Variants in FMNL2 observed in about 807,000 individuals in gnomAD.
The protein encoded by FMNL2 is formin-like protein 2.
Under a neutral mutation model 130.2 loss-of-function variants are expected in FMNL2, and 51 were observed. The observed-to-expected ratio is 0.39, with a 90% CI of 0.31 to 0.49. The LOEUF (loss-of-function observed/expected upper bound fraction) is 0.49, where lower values mean the gene tolerates loss of function less well. Ranked by LOEUF, FMNL2 falls within the 20% of genes least tolerant of loss-of-function variation. The probability of loss-of-function intolerance (pLI) is 0.85; values close to 1 mark genes in which losing one functional copy is unlikely to be tolerated. For synonymous variants in FMNL2, 465 were observed against 467.1 expected (o/e 1.00, Z 0.06); for missense variants, 977 against 1,316.2 (o/e 0.74, Z 3.99).
chr2:152,502,359 A>C (rs1691891808), intron 1 of FMNL2, among the ~76,000 whole-genome samples: 1 of 152,240 alleles, frequency 6.6e-6, no homozygotes, highest in South Asian at 2.1e-4. Flanking sequence ...ATGAGAGAAG[A>C]ATATAAGAGG....
At chr2:152,352,942 G>C (rs930789312) in intron 1 of FMNL2, among the ~76,000 whole-genome samples, 2 of 152,088 alleles carry the variant, frequency 1.3e-5, no homozygotes, top group African/African-American at 4.8e-5. Context: ...AGTAGGCCTT[G>C]TGTTGGAGAT....
intron 1 of FMNL2, among the ~76,000 whole-genome samples, chr2:152,477,906 C>T (rs1425279980): frequency 1.3e-5 from 2 of 151,964 alleles, no homozygotes; most frequent in Non-Finnish European, 2.9e-5. Flanking sequence ...AATGCCCCAG[C>T]GTTGCTTCAT....
intron 15 of FMNL2, among the ~76,000 whole-genome samples, chr2:152,624,471 C>T (rs186537065): frequency 9.9e-5 from 15 of 151,980 alleles, no homozygotes; most frequent in Non-Finnish European, 1.8e-4. Context: ...CCTTCCCCCC[C>T]GCCCCTTTTA....
At position 152,618,903 on chromosome 2, in the gene FMNL2, AAAG is replaced by A; in HGVS notation, c.1379_1381del (p.Glu460del). The A allele has an allele frequency of 6.2e-7, 1 of 1,611,350 alleles. No homozygotes were observed. The highest frequency in any genetic ancestry group is 1.1e-5 in the South Asian group (1 of 90,656). ...CACATTAAGAAAAATGGTCAAAGAA[AAAG>A]AAGAAGCAATTCAAAGACAGTCTAC... On this transcript the variant is annotated inframe_deletion, in exon 14 of 26. Transcript: ENST00000288670.
At chr2:152,631,298 C>G (rs1682143232) in intron 20 of FMNL2, among the ~76,000 whole-genome samples, 1 of 144,480 alleles carries the variant, frequency 6.9e-6, no homozygotes. Flanking sequence ...GAGGCTGAGG[C>G]AGGAGAATCG....
At chr2:152,432,458 T>C (rs10179385) in intron 1 of FMNL2, among the ~76,000 whole-genome samples, 37,323 of 152,076 alleles carry the variant, frequency 0.25, 5,226 homozygotes, top group East Asian at 0.37. Flanking sequence ...CACACATGCA[T>C]GCACACACAC....
chr2:152,411,852 C>T (rs1420564691), intron 1 of FMNL2, among the ~76,000 whole-genome samples: 1 of 152,182 alleles, frequency 6.6e-6, no homozygotes, highest in Non-Finnish European at 1.5e-5. Flanking sequence ...ACCCTTTGGA[C>T]ATTCAGCTTT....
intron 1 of FMNL2, among the ~76,000 whole-genome samples, chr2:152,388,355 A>G (rs1010239246): frequency 6.6e-6 from 1 of 152,184 alleles, no homozygotes; most frequent in African/African-American, 2.4e-5. Flanking sequence ...AGGCCTCAGG[A>G]AATTTACAAT....
rs1289839013 is a variant in FMNL2 at position 152,629,922 on chromosome 2, A to G, written c.2550+17A>G. On this transcript the variant is annotated intron_variant, in intron 20 of 25. Coordinates refer to ENST00000288670, the MANE Select transcript of FMNL2 (RefSeq NM_052905.4). ...TTAGATCTGGTGAGTGGACTAAAAGAAATTTGAGAGCTGTTTGAAGGACAG... is the reference window on the plus strand; with the variant it reads ...TTAGATCTGGTGAGTGGACTAAAAGGAATTTGAGAGCTGTTTGAAGGACAG... 6.3e-7 allele frequency: 1 copy of G among 1,590,764 alleles called. No homozygotes were observed. Among genetic ancestry groups the G allele is most frequent in the East Asian group, 2.3e-5 (1 of 44,304 alleles).
intron 9 of FMNL2, among the ~76,000 whole-genome samples, chr2:152,600,876 A>G (rs1157902546): frequency 6.6e-6 from 1 of 152,120 alleles, no homozygotes; most frequent in Non-Finnish European, 1.5e-5. Flanking sequence ...CAGATGGGGC[A>G]AGAGAGTGGT....
intron 1 of FMNL2, among the ~76,000 whole-genome samples, chr2:152,446,790 AC>A (rs1166096766): frequency 1.3e-5 from 2 of 152,114 alleles, no homozygotes; most frequent in African/African-American, 2.4e-5. Context: ...GGGGAAATAC[AC>A]CCCTACTGAT....
At chr2:152,439,620 G>T (rs1172896019) in intron 1 of FMNL2, among the ~76,000 whole-genome samples, 11 of 151,880 alleles carry the variant, frequency 7.2e-5, no homozygotes, top group Non-Finnish European at 1.6e-4. Flanking sequence ...AGCATTAAAT[G>T]AATATCTGTG....
rs1334425242 is a variant in FMNL2, at chr2:152,338,836, C to CACACACACACAT, written c.117+3127_117+3128insTACACACACACA. Among the ~76,000 whole-genome samples the CACACACACACAT allele has an allele frequency of 5.5e-4, 83 of 151,326 alleles. 1 individual carries two copies. Among genetic ancestry groups the CACACACACACAT allele is most frequent in the Non-Finnish European group, 6.5e-4 (44 of 67,658 alleles). On this transcript the variant is annotated intron_variant, in intron 1 of 25. Coordinates refer to ENST00000288670, the MANE Select transcript of FMNL2 (RefSeq NM_052905.4). The stretch of plus-strand genomic sequence containing the variant: ...AAGGTGAGATACACACACACACACA[C>CACACACACACAT]ACACACACACACACACATATATGCA...
intron 9 of FMNL2, among the ~76,000 whole-genome samples, chr2:152,598,722 G>A (rs890056885): frequency 6.6e-6 from 1 of 152,280 alleles, no homozygotes; most frequent in Admixed American, 6.5e-5. Flanking sequence ...ATTCTTTATT[G>A]AAGAAATGGA....
chr2:152,433,832 TA>T (rs1316264238), intron 1 of FMNL2, among the ~76,000 whole-genome samples: 1 of 152,178 alleles, frequency 6.6e-6, no homozygotes, highest in Non-Finnish European at 1.5e-5. Context: ...CCCAACCTTC[TA>T]AAGAAAAGGC....
chr2:152,626,721 T>C lies in FMNL2; in HGVS notation c.2159T>C (p.Ile720Thr), dbSNP rs768115143. ...ACTGCTGATGAAATATGTAAAGCTATTCATGTGTAAGTTCAGGAAAATTAT... is the reference window on the plus strand; with the variant it reads ...ACTGCTGATGAAATATGTAAAGCTACTCATGTGTAAGTTCAGGAAAATTAT... ...GKTADEICKA[I>T]HVFDLKTLPV... Residue 720 changes from isoleucine to threonine, a missense_variant, in exon 17 of 26, where the codon ATT becomes ACT. This residue lies in a region of FMNL2 where 689 missense variants were observed against 995.9 expected (regional missense o/e 0.69). Transcript: ENST00000288670. 6.2e-7 allele frequency: 1 copy of C among 1,607,296 alleles called. No individual in the cohort carries two copies. Among genetic ancestry groups the C allele is most frequent in the East Asian group, 2.2e-5 (1 of 44,778 alleles).
At chr2:152,551,802 G>GC (rs1167934265) in intron 4 of FMNL2, among the ~76,000 whole-genome samples, 2 of 152,178 alleles carry the variant, frequency 1.3e-5, no homozygotes, top group African/African-American at 2.4e-5. Context: ...GATTACTTGA[G>GC]CCCAAGAGTT....
chr2:152,618,323 T>C (rs1335065065), intron 13 of FMNL2, among the ~76,000 whole-genome samples: 1 of 152,074 alleles, frequency 6.6e-6, no homozygotes, highest in Non-Finnish European at 1.5e-5. Context: ...CAAGGGGGCG[T>C]TGTGAGGGCC....
At chr2:152,532,303 G>C (rs536525556) in intron 2 of FMNL2, among the ~76,000 whole-genome samples, 52 of 152,150 alleles carry the variant, frequency 3.4e-4, no homozygotes, top group African/African-American at 1.2e-3. Context: ...TTTTTATTGA[G>C]GTCTAATTTA....
Sources: gnomAD v4.1 joint callset for allele counts (sites outside exome capture counted in the v4.1 genomes callset) on GRCh38, gnomAD v4.1.1 for gene constraint, gnomAD v4.1.1 regional missense constraint, MANE v1.5 for transcripts, NCBI Gene and HGNC (gene_info 2026-07-23, HGNC 2026-07-21) for gene names.